The following IMMP2L variants were observed in gnomAD, a reference collection of about 807,000 sequenced individuals.
IMMP2L encodes mitochondrial inner membrane protease subunit 2.
Under a neutral mutation model 19.3 loss-of-function variants are expected in IMMP2L, and 18 were observed. The ratio of observed to expected loss-of-function variants is 0.93; its 90% CI spans 0.64 to 1.38. The LOEUF (loss-of-function observed/expected upper bound fraction) is 1.38, where lower values mean the gene tolerates loss of function less well. IMMP2L is among the 40% of genes most tolerant of loss of function. The pLI, the probability that IMMP2L is intolerant of heterozygous loss-of-function variation, is 0.00. For missense variants in IMMP2L, 233 were observed against 218.2 expected, an observed-to-expected ratio of 1.07 and a Z score of -0.43; for synonymous variants, 76 against 73.0, an observed-to-expected ratio of 1.04 and a Z score of -0.21.
chr7:111,024,607 C>A (rs1328364212), intron 3 of IMMP2L, among the ~76,000 whole-genome samples: 1 of 152,164 alleles, frequency 6.6e-6, no homozygotes, highest in Non-Finnish European at 1.5e-5. Flanking sequence ...AGTCTTGTTT[C>A]ATATATTTTG....
intron 5 of IMMP2L, among the ~76,000 whole-genome samples, chr7:110,847,415 C>A (rs771614587): frequency 6.6e-6 from 1 of 152,092 alleles, no homozygotes; most frequent in African/African-American, 2.4e-5. Context: ...ATTTAATACA[C>A]GCTCATTTGA....
At chr7:111,407,229 A>C (rs1215951997) in intron 3 of IMMP2L, among the ~76,000 whole-genome samples, 1 of 152,066 alleles carries the variant, frequency 6.6e-6, no homozygotes, top group African/African-American at 2.4e-5. Flanking sequence ...TACACACAGC[A>C]GCTCCGGAAA....
intron 3 of IMMP2L, among the ~76,000 whole-genome samples, chr7:111,280,538 A>G (rs1337574305): frequency 2.0e-5 from 3 of 152,186 alleles, no homozygotes; most frequent in Non-Finnish European, 4.4e-5. Context: ...GAACCACTGT[A>G]CCTAAAACAG....
chr7:110,943,374 T>C (rs1434166287), intron 4 of IMMP2L, among the ~76,000 whole-genome samples: 1 of 152,006 alleles, frequency 6.6e-6, no homozygotes, highest in Non-Finnish European at 1.5e-5. Flanking sequence ...AAAAAGACTT[T>C]AGTAGAGTGT....
At position 111,155,155 on chromosome 7, in the gene IMMP2L, G is replaced by C. The variant is rs537467816; in HGVS notation, c.240-191590C>G. ...CTTCCCTAGGATCAAGATGAATATG[G>C]CTTTTCTGTTTCTGAATTTGTTGTA... is the stretch of plus-strand genomic sequence containing the variant. On this transcript the variant is annotated intron_variant, in intron 3 of 5. Coordinates refer to ENST00000405709, the MANE Select transcript of IMMP2L (RefSeq NM_032549.4). Among the ~76,000 whole-genome samples the C allele has an allele frequency of 2.0e-5, 3 of 152,188 alleles. No homozygotes were observed. In the East Asian group the frequency reaches 5.8e-4, roughly 29 times the overall value.
intron 5 of IMMP2L, among the ~76,000 whole-genome samples, chr7:110,849,762 G>C (rs1363383590): frequency 6.6e-6 from 1 of 152,064 alleles, no homozygotes; most frequent in Non-Finnish European, 1.5e-5. Context: ...TAGCCTTGAA[G>C]ATGTTCCTAC....
At chr7:111,336,794 T>A (rs1387677514) in intron 3 of IMMP2L, among the ~76,000 whole-genome samples, 1 of 152,062 alleles carries the variant, frequency 6.6e-6, no homozygotes, top group South Asian at 2.1e-4. Context: ...AATGAATTCA[T>A]GTTTACATTA....
At chr7:111,194,330 T>G (rs1389622681) in intron 3 of IMMP2L, among the ~76,000 whole-genome samples, 1 of 152,166 alleles carries the variant, frequency 6.6e-6, no homozygotes, top group Non-Finnish European at 1.5e-5. Flanking sequence ...TTACTTAATA[T>G]TCAATCTACC....
chr7:111,156,799 T>C (rs1382150698), intron 3 of IMMP2L, among the ~76,000 whole-genome samples: 1 of 151,960 alleles, frequency 6.6e-6, no homozygotes, highest in African/African-American at 2.4e-5. Context: ...TCCTACATGC[T>C]TGGAACACCA....
chr7:111,366,741 G>T (rs1011853655), intron 3 of IMMP2L, among the ~76,000 whole-genome samples: 1 of 151,914 alleles, frequency 6.6e-6, no homozygotes, highest in African/African-American at 2.4e-5. Flanking sequence ...TCTAAAAAAA[G>T]AAGAATATAT....
chr7:110,695,189 T>C (rs1191015856), intron 5 of IMMP2L, among the ~76,000 whole-genome samples: 1 of 152,132 alleles, frequency 6.6e-6, no homozygotes, highest in Non-Finnish European at 1.5e-5. Context: ...TTGTTCACTT[T>C]TTATTGTTTG....
At chr7:111,445,178 A>G (rs1838196823) in intron 3 of IMMP2L, among the ~76,000 whole-genome samples, 1 of 152,044 alleles carries the variant, frequency 6.6e-6, no homozygotes, top group African/African-American at 2.4e-5. Context: ...CTAGATTTAT[A>G]GGGAAAAAAA....
intron 3 of IMMP2L, among the ~76,000 whole-genome samples, chr7:111,054,935 C>T (rs1793358432): frequency 6.6e-6 from 1 of 152,170 alleles, no homozygotes; most frequent in Non-Finnish European, 1.5e-5. Context: ...AACCAAAATA[C>T]AGCAATAAAT....
intron 3 of IMMP2L, among the ~76,000 whole-genome samples, chr7:111,291,030 T>C (rs780343731): frequency 1.3e-5 from 2 of 152,104 alleles, no homozygotes; most frequent in Non-Finnish European, 2.9e-5. Flanking sequence ...ATAAAGATCC[T>C]ATAGAAGTTC....
chr7:110,747,060 A>C (rs566404701), intron 5 of IMMP2L, among the ~76,000 whole-genome samples: 4 of 152,340 alleles, frequency 2.6e-5, no homozygotes, highest in Admixed American at 2.6e-4. Flanking sequence ...ATAAAAAATG[A>C]TAAAGGGGAT....
intron 3 of IMMP2L, chr7:111,411,327 T>A: frequency 4.1e-6 from 1 of 244,574 alleles, no homozygotes; most frequent in African/African-American, 2.3e-5. Flanking sequence ...ATTACCGATA[T>A]ACCCAGGACC....
intron 3 of IMMP2L, among the ~76,000 whole-genome samples, chr7:111,089,956 G>GT (rs952088055): frequency 4.6e-4 from 68 of 146,710 alleles, no homozygotes; most frequent in South Asian, 3.0e-3. Flanking sequence ...TGAAGGTTTT[G>GT]TTTTTTTTTT....
chr7:110,948,035 G>A (rs1817429641), intron 4 of IMMP2L, among the ~76,000 whole-genome samples: 1 of 151,802 alleles, frequency 6.6e-6, no homozygotes, highest in South Asian at 2.1e-4. Flanking sequence ...CCTAAATAAG[G>A]AAAAACATTT....
intron 5 of IMMP2L, among the ~76,000 whole-genome samples, chr7:110,696,766 G>T (rs1410537792): frequency 6.6e-6 from 1 of 152,126 alleles, no homozygotes; most frequent in African/African-American, 2.4e-5. Flanking sequence ...TAAAGGGACA[G>T]ATAAAATGGG....
Sources: gnomAD v4.1 joint callset for allele counts (sites outside exome capture counted in the v4.1 genomes callset) on GRCh38, gnomAD v4.1.1 for gene constraint, MANE v1.5 for transcripts, NCBI Gene and HGNC (gene_info 2026-07-23, HGNC 2026-07-21) for gene names.